Variants in PCDHA1 observed in about 807,000 individuals in gnomAD.
The protein encoded by PCDHA1 is protocadherin alpha 1.
In PCDHA1, 42 loss-of-function variants were observed where a neutral mutation model predicts 61.3. The ratio of observed to expected loss-of-function variants is 0.69; its 90% confidence interval spans 0.54 to 0.89. The LOEUF (loss-of-function observed/expected upper bound fraction) is 0.89. PCDHA1 is among the 40% of genes least tolerant of loss of function. The pLI, the probability that PCDHA1 is intolerant of heterozygous loss-of-function variation, is 0.00. For missense variants in PCDHA1, 1,256 were observed against 1,235.3 expected, an observed-to-expected ratio of 1.02 and a Z score of -0.25; for synonymous variants, 610 against 553.8, an observed-to-expected ratio of 1.10 and a Z score of -1.43.
At chr5:140,808,543 T>C (rs143191768) in intron 1 of PCDHA1, 21 of 1,613,932 alleles carry the variant, frequency 1.3e-5, no homozygotes, top group Non-Finnish European at 1.7e-5. Flanking sequence ...ACGACAACGC[T>C]CCGGCGTTCG....
intron 1 of PCDHA1, among the ~76,000 whole-genome samples, chr5:140,957,475 A>G (rs2095362490): frequency 6.6e-6 from 1 of 152,192 alleles, no homozygotes; most frequent in Non-Finnish European, 1.5e-5. Flanking sequence ...ATGTATAGGA[A>G]AAAACATAGT....
At position 140,823,008 on chromosome 5, in the gene PCDHA1, C is replaced by T. The variant is rs146843767; in HGVS notation, c.2394+34324C>T. 1.9e-4 allele frequency: 303 copies of T among 1,614,232 alleles called. 1 individual carries two copies. The African/African-American group carries it at 3.5e-3, about 18-fold the overall frequency. On this transcript the variant is annotated intron_variant, in intron 1 of 3. Coordinates refer to ENST00000504120, the MANE Select transcript of PCDHA1 (RefSeq NM_018900.4). ...ACTACTCGTTGGTGCTGGACAGCGCCCTGGACCGCGAGAGCGTGTCGGTCT... is the reference window on the plus strand; with the variant it reads ...ACTACTCGTTGGTGCTGGACAGCGCTCTGGACCGCGAGAGCGTGTCGGTCT...
At position 140,928,478 on chromosome 5, in the gene PCDHA1, A is replaced by T. The variant is rs1554205922; in HGVS notation, c.2395-50471A>T. Reference sequence around the variant, plus strand: ...TTTCATTTCCAAGTAGAAGGCCGGGATGGTGGCATTCCTCCCAGAAGTGCA... The same window carrying T: ...TTTCATTTCCAAGTAGAAGGCCGGGTTGGTGGCATTCCTCCCAGAAGTGCA... On this transcript the variant is annotated intron_variant, in intron 1 of 3. Coordinates refer to ENST00000504120, the MANE Select transcript of PCDHA1 (RefSeq NM_018900.4). 2.5e-5 allele frequency: 40 copies of T among 1,614,132 alleles called. No individual in the cohort carries two copies. The highest frequency in any genetic ancestry group is 3.3e-5 in the Non-Finnish European group (39 of 1,180,008).
At chr5:141,006,169 A>G (rs553035949) in intron 3 of PCDHA1, among the ~76,000 whole-genome samples, 4 of 149,840 alleles carry the variant, frequency 2.7e-5, no homozygotes, top group Non-Finnish European at 5.9e-5. Flanking sequence ...TCTGATTTAT[A>G]TTTTTAAAAG....
At chr5:140,924,906 T>A (rs199645977) in intron 1 of PCDHA1, among the ~76,000 whole-genome samples, 5,369 of 55,724 alleles carry the variant, frequency 0.096, 112 homozygotes, top group Non-Finnish European at 0.11. Context: ...AAAAAAAAAA[T>A]AAAATAAAAT....
chr5:140,966,502 GGCA>G (rs2096011406), intron 1 of PCDHA1: 14 of 433,816 alleles, frequency 3.2e-5, no homozygotes, highest in South Asian at 2.3e-4. Context: ...GAGCTGTAGC[GGCA>G]GCAGCAGCAG....
chr5:140,952,028 T>C (rs2094677235), intron 1 of PCDHA1, among the ~76,000 whole-genome samples: 1 of 152,164 alleles, frequency 6.6e-6, no homozygotes, highest in Non-Finnish European at 1.5e-5. Flanking sequence ...AAGTCCGAAA[T>C]CCAGTAGGGC....
chr5:140,877,255 C>A (rs1554169516), intron 1 of PCDHA1: 2 of 1,613,708 alleles, frequency 1.2e-6, no homozygotes, highest in Non-Finnish European at 8.5e-7. Flanking sequence ...GGCGAAAGTG[C>A]GCGCGGTGGA....
At position 140,843,072 on chromosome 5, in the gene PCDHA1, C is replaced by G. The variant is rs2150351828; in HGVS notation, c.2394+54388C>G. 29 of 1,595,290 alleles carry G rather than the reference C, an allele frequency of 1.8e-5. 2 individuals carry two copies. Among genetic ancestry groups the G allele is most frequent in the Middle Eastern group, 1.7e-4 (1 of 5,908 alleles). On this transcript the variant is annotated intron_variant, in intron 1 of 3. Transcript: ENST00000504120. ...GCAGCGAGCAAGCTGGTGCCGCGGTCTGTGGGCGCGGGCCACGTGGTAGCG... is the reference window on the plus strand; with the variant it reads ...GCAGCGAGCAAGCTGGTGCCGCGGTGTGTGGGCGCGGGCCACGTGGTAGCG...
At chr5:140,869,419 C>G (rs782550413) in intron 1 of PCDHA1, 10 of 1,614,078 alleles carry the variant, frequency 6.2e-6, no homozygotes, top group African/African-American at 1.3e-5. Context: ...CAGCATCCAC[C>G]TGGAGGTGAT....
intron 1 of PCDHA1, chr5:140,863,724 G>C (rs1450071694): frequency 3.7e-6 from 1 of 271,826 alleles, no homozygotes; most frequent in African/African-American, 2.2e-5. Context: ...GCCGGGTGCG[G>C]TAGCTCATGC....
At chr5:140,861,457 A>T (rs2046932948) in intron 1 of PCDHA1, 1 of 493,524 alleles carries the variant, frequency 2.0e-6, no homozygotes, top group African/African-American at 2.0e-5. Flanking sequence ...AACCTTCTGG[A>T]GGTAAATCTG....
chr5:140,969,351 G>A (rs1554231714), intron 1 of PCDHA1: 1 of 1,612,990 alleles, frequency 6.2e-7, no homozygotes, highest in Non-Finnish European at 8.5e-7. Flanking sequence ...TGGTCAGGGG[G>A]TCTTCTACAA....
At chr5:140,882,131 C>A (rs1236835670) in intron 1 of PCDHA1, 2 of 1,475,734 alleles carry the variant, frequency 1.4e-6, no homozygotes, top group South Asian at 1.4e-5. Context: ...TTTCTTCCTG[C>A]AGAAAATATA....
intron 1 of PCDHA1, among the ~76,000 whole-genome samples, chr5:140,832,042 A>G (rs2150199272): frequency 1.8e-4 from 28 of 152,338 alleles, no homozygotes; most frequent in Admixed American, 3.3e-4. Flanking sequence ...ATTCATAGTG[A>G]GGCCATAATT....
chr5:140,805,128 G>A (rs183815562), intron 1 of PCDHA1: 3 of 1,581,214 alleles, frequency 1.9e-6, no homozygotes, highest in African/African-American at 2.7e-5. Flanking sequence ...TCTTGGCAAA[G>A]ACATTTTGAA....
chr5:140,884,935 A>G lies in PCDHA1; in HGVS notation c.2395-94014A>G, dbSNP rs577267570. ...AATAGTTCTAAGTATTTATCTTGCA[A>G]TTGAGCATTTACAAAAAATTCCTCA... On this transcript the variant is annotated intron_variant, in intron 1 of 3. Coordinates refer to ENST00000504120, the MANE Select transcript of PCDHA1 (RefSeq NM_018900.4). Among the ~76,000 whole-genome samples, 4 of 152,344 alleles carry G rather than the reference A, an allele frequency of 2.6e-5. No homozygotes were observed. In the East Asian group the frequency reaches 5.8e-4, roughly 22 times the overall value.
intron 1 of PCDHA1, chr5:140,835,703 C>T (rs2150242433): frequency 2.5e-6 from 4 of 1,613,784 alleles, no homozygotes; most frequent in African/African-American, 2.7e-5. Flanking sequence ...CCACTGCTAG[C>T]GTGTCCGTGG....
Position 140,995,742 on chromosome 5 carries a change from A to G in PCDHA1, c.2542+13179A>G, listed in dbSNP as rs1354360972. Among the ~76,000 whole-genome samples the G allele has an allele frequency of 7.2e-5, 11 of 152,280 alleles. No individual in the cohort carries two copies. In the East Asian group the frequency reaches 2.1e-3, roughly 29 times the overall value. On this transcript the variant is annotated intron_variant, in intron 3 of 3. Coordinates refer to ENST00000504120, the MANE Select transcript of PCDHA1 (RefSeq NM_018900.4). Reference sequence around the variant, plus strand: ...CTTAGGTAATCCTGGTGGATTTGGTATATCATGTCTGAGAAAATGTGGAGA... The same window carrying G: ...CTTAGGTAATCCTGGTGGATTTGGTGTATCATGTCTGAGAAAATGTGGAGA...
Sources: allele counts gnomAD v4.1 joint callset (sites outside exome capture counted in the v4.1 genomes callset), GRCh38; gene constraint gnomAD v4.1.1; transcripts MANE v1.5; gene names NCBI Gene and HGNC (gene_info 2026-07-23, HGNC 2026-07-21).